Variants in DTNA observed in about 807,000 individuals in gnomAD.
The protein encoded by DTNA is dystrophin-related protein 3.
A neutral mutation model predicts 100.7 loss-of-function variants in DTNA; 43 were observed. That is an observed-to-expected ratio of 0.43 (90% CI 0.33 to 0.55). The LOEUF (loss-of-function observed/expected upper bound fraction) is 0.55. Among genes scored for constraint, DTNA ranks in the 20% least tolerant of loss-of-function variants. The probability of loss-of-function intolerance (pLI) is 0.04; values close to 1 mark genes in which losing one functional copy is unlikely to be tolerated. For synonymous variants in DTNA, 349 were observed against 347.9 expected, an observed-to-expected ratio of 1.00 and a Z score of -0.04; for missense variants, 798 against 953.9, an observed-to-expected ratio of 0.84 and a Z score of 2.15.
intron 1 of DTNA, among the ~76,000 whole-genome samples, chr18:34,719,159 G>A (rs919104863): frequency 8.6e-5 from 13 of 151,712 alleles, no homozygotes; most frequent in African/African-American, 2.9e-4. Flanking sequence ...GCGAAACCCC[G>A]TCTCTACTAA....
At chr18:34,832,494 T>C (rs1393741018) in intron 11 of DTNA, among the ~76,000 whole-genome samples, 1 of 152,202 alleles carries the variant, frequency 6.6e-6, no homozygotes, top group African/African-American at 2.4e-5. Flanking sequence ...GGCTGTTGTC[T>C]CTGCATGCCC....
intron 1 of DTNA, among the ~76,000 whole-genome samples, chr18:34,520,296 G>C (rs570009871): frequency 1.3e-5 from 2 of 152,280 alleles, no homozygotes; most frequent in African/African-American, 4.8e-5. Flanking sequence ...AATAGATTCT[G>C]GGATGGATCC....
chr18:34,572,002 A>G (rs971920805), intron 1 of DTNA, among the ~76,000 whole-genome samples: 5 of 152,234 alleles, frequency 3.3e-5, no homozygotes, highest in African/African-American at 4.8e-5. Flanking sequence ...TGTGAAATAA[A>G]ATGCATTTGT....
At chr18:34,528,366 G>A (rs901902807) in intron 1 of DTNA, among the ~76,000 whole-genome samples, 1 of 151,964 alleles carries the variant, frequency 6.6e-6, no homozygotes, top group African/African-American at 2.4e-5. Context: ...GACAATCATG[G>A]GTTATTCCTA....
chr18:34,668,182 A>G (rs2076219020), intron 1 of DTNA, among the ~76,000 whole-genome samples: 2 of 152,052 alleles, frequency 1.3e-5, no homozygotes, highest in Admixed American at 1.3e-4. Context: ...GAATTTATCC[A>G]TTTCTTCTAG....
rs940324230 is a variant in DTNA, at chr18:34,889,921, CCT to C, written c.*2192_*2193del. The C allele has an allele frequency of 9.8e-7, 1 of 1,025,444 alleles. No homozygotes were observed. Among genetic ancestry groups the C allele is most frequent in the African/African-American group, 1.7e-5 (1 of 58,492 alleles). 63.5% of individuals were successfully genotyped at this position (1,025,444 alleles called of 1,614,324 possible). ...ACTGCCCATCCTCTGTGAACCCATA[CCT>C]CTCTAGATGGAGCAGGTGGCCACTG... On this transcript the variant is annotated 3_prime_UTR_variant, in exon 23 of 23. Transcript: ENST00000444659.
At chr18:34,841,343 C>A (rs1389465969) in intron 13 of DTNA, among the ~76,000 whole-genome samples, 2 of 152,078 alleles carry the variant, frequency 1.3e-5, no homozygotes, top group Non-Finnish European at 2.9e-5. Flanking sequence ...AACTGTATAT[C>A]TTATTCTAGT....
intron 1 of DTNA, among the ~76,000 whole-genome samples, chr18:34,691,760 A>G (rs889549417): frequency 1.3e-5 from 2 of 151,642 alleles, no homozygotes; most frequent in Non-Finnish European, 1.5e-5. Flanking sequence ...CTGCCTAGAC[A>G]CTCCTCCCAT....
chr18:34,695,381 G>A (rs2080380726), intron 1 of DTNA, among the ~76,000 whole-genome samples: 1 of 152,120 alleles, frequency 6.6e-6, no homozygotes. Flanking sequence ...TAATAATCTA[G>A]CTCAGCTCAT....
At chr18:34,697,656 G>A in intron 1 of DTNA, among the ~76,000 whole-genome samples, 1 of 152,190 alleles carries the variant, frequency 6.6e-6, no homozygotes, top group Non-Finnish European at 1.5e-5. Flanking sequence ...AGGCCTAATT[G>A]TGCACCGGGG....
intron 1 of DTNA, among the ~76,000 whole-genome samples, chr18:34,743,257 T>C (rs1352824055): frequency 6.6e-6 from 1 of 152,174 alleles, no homozygotes; most frequent in Non-Finnish European, 1.5e-5. Context: ...CTGGAGATCT[T>C]GCAGCCATAA....
intron 11 of DTNA, among the ~76,000 whole-genome samples, chr18:34,834,633 G>C (rs1040818593): frequency 6.6e-6 from 1 of 152,172 alleles, no homozygotes; most frequent in Admixed American, 6.6e-5. Flanking sequence ...AAGCTGGTTT[G>C]TGCCAAGATC....
At chr18:34,605,554 GC>G (rs1479120065) in intron 1 of DTNA, among the ~76,000 whole-genome samples, 1 of 151,948 alleles carries the variant, frequency 6.6e-6, no homozygotes, top group Non-Finnish European at 1.5e-5. Flanking sequence ...AAGTGCTGCT[GC>G]CTGGCTTAGT....
chr18:34,618,569 A>G (rs2055808219), intron 1 of DTNA, among the ~76,000 whole-genome samples: 1 of 152,128 alleles, frequency 6.6e-6, no homozygotes, highest in African/African-American at 2.4e-5. Flanking sequence ...CTTTCTGCCT[A>G]TGTCATTTTT....
intron 11 of DTNA, among the ~76,000 whole-genome samples, chr18:34,836,773 A>G (rs2096158246): frequency 6.6e-6 from 1 of 152,104 alleles, no homozygotes; most frequent in Non-Finnish European, 1.5e-5. Context: ...TCTGACAAAC[A>G]TGCATGTCTA....
chr18:34,853,764 C>G (rs79022817), intron 15 of DTNA, among the ~76,000 whole-genome samples: 1 of 151,380 alleles, frequency 6.6e-6, no homozygotes, highest in African/African-American at 2.4e-5. Context: ...TGCATAGTGA[C>G]GAATTATAAA....
intron 4 of DTNA, 32 bp from the exon 5 acceptor site, chr18:34,806,187 G>GT (rs1266024177): frequency 6.3e-7 from 1 of 1,594,434 alleles, no homozygotes; most frequent in Non-Finnish European, 8.6e-7. Context: ...TTTTGTTTTT[G>GT]TTTTTGTTTT....
At chr18:34,866,563 C>A in intron 17 of DTNA, 3 of 1,036,998 alleles carry the variant, frequency 2.9e-6, no homozygotes, top group Non-Finnish European at 3.5e-6. Context: ...CCCACTCACA[C>A]TGTGAGTATT....
At position 34,877,704 on chromosome 18, in the gene DTNA, T is replaced by A; in HGVS notation, c.1904-15T>A. On this transcript the variant is annotated splice_polypyrimidine_tract_variant and intron_variant, in intron 18 of 22. Coordinates refer to ENST00000444659, the MANE Select transcript of DTNA (RefSeq NM_001386795.1). Reference sequence around the variant, plus strand: ...GGAAGCTTTGGTTTTTTAAATTATTTCTTCTTCCCTGAAGGTTCAAGAAGA... The same window carrying A: ...GGAAGCTTTGGTTTTTTAAATTATTACTTCTTCCCTGAAGGTTCAAGAAGA... The A allele has an allele frequency of 2.5e-6, 4 of 1,610,780 alleles. No individual in the cohort carries two copies. The highest frequency in any genetic ancestry group is 3.4e-6 in the Non-Finnish European group (4 of 1,177,792).
Sources: allele counts gnomAD v4.1 joint callset (sites outside exome capture counted in the v4.1 genomes callset), GRCh38; gene constraint gnomAD v4.1.1; transcripts MANE v1.5; gene names NCBI Gene and HGNC (gene_info 2026-07-23, HGNC 2026-07-21).